DLG2: variants seen among roughly 807,000 people sequenced by gnomAD.
The protein encoded by DLG2 is disks large homolog 2.
In DLG2, 45 loss-of-function variants were observed where a neutral mutation model predicts 132.5. The ratio of observed to expected loss-of-function variants is 0.34; its 90% CI spans 0.27 to 0.44. The LOEUF (loss-of-function observed/expected upper bound fraction) is 0.44. Among genes scored for constraint, DLG2 ranks in the 20% least tolerant of loss-of-function variants. DLG2 has a pLI of 1.00. For missense variants in DLG2, 1,045 were observed against 1,196.9 expected, an observed-to-expected ratio of 0.87 and a Z score of 1.87; for synonymous variants, 424 against 419.6, an observed-to-expected ratio of 1.01 and a Z score of -0.13.
intron 16 of DLG2, among the ~76,000 whole-genome samples, chr11:83,863,405 C>G (rs1341631486): frequency 2.0e-5 from 3 of 152,136 alleles, no homozygotes; most frequent in African/African-American, 7.2e-5. Flanking sequence ...GTGCTGTGTT[C>G]TGTCTTCCAC....
intron 3 of DLG2, among the ~76,000 whole-genome samples, chr11:85,338,634 C>A (rs888032178): frequency 6.6e-6 from 1 of 151,844 alleles, no homozygotes; most frequent in African/African-American, 2.4e-5. Context: ...TATATCACAT[C>A]CTGCTACCTA....
intron 6 of DLG2, among the ~76,000 whole-genome samples, chr11:84,586,817 T>A (rs1040092202): frequency 7.2e-5 from 11 of 152,194 alleles, no homozygotes. Flanking sequence ...CATATCTTAA[T>A]AAAATGTAAA....
At chr11:84,604,775 A>G (rs2099582515) in intron 6 of DLG2, among the ~76,000 whole-genome samples, 2 of 152,118 alleles carry the variant, frequency 1.3e-5, no homozygotes, top group Non-Finnish European at 2.9e-5. Context: ...ATGATGGTTT[A>G]CACTCAAAGC....
intron 15 of DLG2, among the ~76,000 whole-genome samples, chr11:83,875,416 A>C (rs1040282040): frequency 6.6e-6 from 1 of 152,206 alleles, no homozygotes; most frequent in Non-Finnish European, 1.5e-5. Context: ...AGGATTAGAA[A>C]GTTGCTCAGA....
chr11:85,443,723 AT>A (rs1393719457), intron 3 of DLG2, among the ~76,000 whole-genome samples: 1 of 152,308 alleles, frequency 6.6e-6, no homozygotes, highest in African/African-American at 2.4e-5. Flanking sequence ...ATGAAAGAAC[AT>A]TTTTTCTTAA....
chr11:84,831,724 C>A lies in DLG2; in HGVS notation c.357+279937G>T, dbSNP rs1224493892. Among the ~76,000 whole-genome samples, 7 of 151,668 alleles carry A rather than the reference C, an allele frequency of 4.6e-5. No individual in the cohort carries two copies. In the Admixed American group the frequency reaches 4.6e-4, roughly 10 times the overall value. ...TGCCTTTACCACCTCATTTAATAAG[C>A]CACGCCCCTTCAATATTTAAATGGA... On this transcript the variant is annotated intron_variant, in intron 6 of 27. Transcript: ENST00000376104.
chr11:84,161,687 T>A (rs900105341), intron 9 of DLG2, among the ~76,000 whole-genome samples: 2 of 152,128 alleles, frequency 1.3e-5, no homozygotes, highest in African/African-American at 4.8e-5. Flanking sequence ...GTGATGTACA[T>A]TGGATAAGGA....
intron 9 of DLG2, among the ~76,000 whole-genome samples, chr11:84,127,514 T>C (rs555269722): frequency 1.3e-5 from 2 of 152,340 alleles, no homozygotes; most frequent in African/African-American, 4.8e-5. Flanking sequence ...ATCTGTTCCA[T>C]GTCTATCTCC....
chr11:85,088,666 T>C (rs187498098), intron 6 of DLG2, among the ~76,000 whole-genome samples: 178 of 152,306 alleles, frequency 1.2e-3, no homozygotes, highest in African/African-American at 4.1e-3. Flanking sequence ...AAACAAGAAA[T>C]TTTGTATTTC....
intron 4 of DLG2, among the ~76,000 whole-genome samples, chr11:85,267,370 A>G (rs942632217): frequency 2.0e-5 from 3 of 152,186 alleles, no homozygotes; most frequent in Non-Finnish European, 2.9e-5. Context: ...AGTCTATGGC[A>G]TTCTGTTTTG....
intron 18 of DLG2, among the ~76,000 whole-genome samples, chr11:83,663,475 T>C (rs770368633): frequency 2.0e-5 from 3 of 152,212 alleles, no homozygotes; most frequent in Non-Finnish European, 2.9e-5. Context: ...ACAAGTGGTT[T>C]ATTAAATATG....
At chr11:84,175,329 T>C (rs181102546) in intron 8 of DLG2, among the ~76,000 whole-genome samples, 1 of 152,262 alleles carries the variant, frequency 6.6e-6, no homozygotes, top group East Asian at 1.9e-4. Context: ...GTTTCTTTTA[T>C]GGCACCTATT....
chr11:83,848,047 G>A (rs2058967563), intron 16 of DLG2, among the ~76,000 whole-genome samples: 1 of 151,200 alleles, frequency 6.6e-6, no homozygotes, highest in African/African-American at 2.4e-5. Context: ...GCTCTTTCTT[G>A]GAGGGGTCCT....
chr11:84,118,038 G>T (rs997299871), intron 9 of DLG2, among the ~76,000 whole-genome samples: 1 of 151,890 alleles, frequency 6.6e-6, no homozygotes, highest in African/African-American at 2.4e-5. Flanking sequence ...TGTATTTTTA[G>T]TAGAGACGGG....
chr11:84,883,237 C>A (rs1477533286), intron 6 of DLG2, among the ~76,000 whole-genome samples: 1 of 151,970 alleles, frequency 6.6e-6, no homozygotes, highest in Non-Finnish European at 1.5e-5. Flanking sequence ...CATGTTATCA[C>A]TCATAAGTGG....
intron 6 of DLG2, among the ~76,000 whole-genome samples, chr11:84,590,347 GTGTTCTTAAAC>G (rs1261401572): frequency 6.6e-6 from 1 of 152,154 alleles, no homozygotes; most frequent in African/African-American, 2.4e-5. Flanking sequence ...TTCTTTCTTA[GTGTTCTTAAAC>G]TGTTGGCTAT....
At chr11:85,057,058 G>C (rs947869876) in intron 6 of DLG2, among the ~76,000 whole-genome samples, 2 of 151,728 alleles carry the variant, frequency 1.3e-5, no homozygotes, top group Admixed American at 1.3e-4. Flanking sequence ...GTGAATATTG[G>C]CTATGCAGTC....
At chr11:83,993,489 C>G (rs555874689) in intron 11 of DLG2, among the ~76,000 whole-genome samples, 1 of 152,212 alleles carries the variant, frequency 6.6e-6, no homozygotes, top group South Asian at 2.1e-4. Flanking sequence ...TGACCAATGA[C>G]AGACACAATT....
intron 6 of DLG2, among the ~76,000 whole-genome samples, chr11:85,042,067 C>T (rs982815565): frequency 2.6e-5 from 4 of 151,790 alleles, no homozygotes; most frequent in Admixed American, 6.6e-5. Flanking sequence ...ACTTTTACCC[C>T]TAAATCTATC....
Sources: gnomAD v4.1 joint callset for allele counts (sites outside exome capture counted in the v4.1 genomes callset) on GRCh38, gnomAD v4.1.1 for gene constraint, MANE v1.5 for transcripts, NCBI Gene and HGNC (gene_info 2026-07-23, HGNC 2026-07-21) for gene names.